The following DHX57 variants were observed in gnomAD, a reference collection of about 807,000 sequenced individuals.
The protein encoded by DHX57 is DExH-box helicase 57.
DHX57 carries 105 observed loss-of-function variants against 156.2 expected under a neutral mutation model. The ratio of observed to expected loss-of-function variants is 0.67; its 90% CI spans 0.57 to 0.79. The LOEUF (loss-of-function observed/expected upper bound fraction) is 0.79. Among genes scored for constraint, DHX57 ranks in the 30% least tolerant of loss-of-function variants. The probability of loss-of-function intolerance (pLI) is 0.00; values close to 1 mark genes in which losing one functional copy is unlikely to be tolerated. For missense variants in DHX57, 1,847 were observed against 1,661.9 expected (o/e 1.11, Z -1.94); for synonymous variants, 704 against 595.6 (o/e 1.18, Z -2.65).
At chr2:38,822,687 G>A (rs967536169) in intron 17 of DHX57, among the ~76,000 whole-genome samples, 8 of 152,274 alleles carry the variant, frequency 5.3e-5, no homozygotes, top group South Asian at 4.1e-4. Context: ...AAGCCACCGC[G>A]CTTGGCCTGG....
chr2:38,842,728 G>A (rs951752393), intron 12 of DHX57, among the ~76,000 whole-genome samples: 5 of 151,938 alleles, frequency 3.3e-5, no homozygotes, highest in African/African-American at 1.2e-4. Context: ...GCTACAAAAT[G>A]CACAAGAATA....
At chr2:38,863,219 G>A (rs1482841150) in intron 3 of DHX57, 142 bp downstream of exon 3, 3 of 829,844 alleles carry the variant, frequency 3.6e-6, no homozygotes, top group Non-Finnish European at 5.4e-6. Flanking sequence ...AATTATTCTT[G>A]TATTACTCTT....
chr2:38,852,083 A>G (rs907069625), intron 9 of DHX57, among the ~76,000 whole-genome samples: 1 of 151,646 alleles, frequency 6.6e-6, no homozygotes, highest in Non-Finnish European at 1.5e-5. Flanking sequence ...TTTTTATCTA[A>G]AAGTCTTTCT....
In DHX57 at chr2:38,818,923, C is replaced by T; in HGVS notation, c.3425G>A (p.Ser1142Asn). 1.2e-6 allele frequency: 2 copies of T among 1,614,206 alleles called. No individual in the cohort carries two copies. Among genetic ancestry groups the T allele is most frequent in the Non-Finnish European group, 1.7e-6 (2 of 1,180,038 alleles). Residue 1142 changes from serine (S) to asparagine (N), a missense_variant, in exon 19 of 24, where the codon AGT (serine) becomes AAT (asparagine). Coordinates refer to ENST00000457308, the MANE Select transcript of DHX57 (RefSeq NM_198963.3). ...GAAGTTTTGTCTGCAGTAATTATAA[C>T]TTGCACGCACGCCTTCTTTTGTACT... ...QLSTKEGVRASYNYCRQNFLS... is the reference protein window; with the variant it reads ...QLSTKEGVRANYNYCRQNFLS...
chr2:38,831,518 T>A (rs1671380205), intron 13 of DHX57, among the ~76,000 whole-genome samples: 1 of 152,110 alleles, frequency 6.6e-6, no homozygotes, highest in African/African-American at 2.4e-5. Flanking sequence ...CTGATTTTTT[T>A]GCTATGCTTG....
At chr2:38,843,311 T>C in intron 11 of DHX57, 101 bp from the exon 12 acceptor site, 1 of 1,191,024 alleles carries the variant, frequency 8.4e-7, no homozygotes, top group Non-Finnish European at 1.2e-6. Context: ...AATGTCACTG[T>C]CTGCCCAATT....
chr2:38,871,568 T>A (rs1016381984), intron 1 of DHX57, among the ~76,000 whole-genome samples: 1 of 152,208 alleles, frequency 6.6e-6, no homozygotes, highest in African/African-American at 2.4e-5. Flanking sequence ...TTTATTTGTC[T>A]CATGGTAATG....
intron 12 of DHX57, 38 bp from the exon 13 acceptor site, chr2:38,837,985 T>C: frequency 6.2e-6 from 8 of 1,294,386 alleles, no homozygotes; most frequent in Middle Eastern, 3.7e-4. Context: ...AGGATATTTA[T>C]ACCTTGTTGA....
At chr2:38,866,251 C>G (rs1453852874) in intron 2 of DHX57, among the ~76,000 whole-genome samples, 1 of 152,204 alleles carries the variant, frequency 6.6e-6, no homozygotes, top group South Asian at 2.1e-4. Context: ...AAGTCCTATA[C>G]AGTCTGGTCT....
chr2:38,813,829 C>T lies in DHX57; in HGVS notation c.3673G>A (p.Val1225Ile). ...AMLCAALYPN[V>I]VQVKSPEGKF... ...GAAAAATGTTTTGTTACCTGCACTA[C>T]ATTTGGATACAAAGCAGCACACAGC... is the stretch of plus-strand genomic sequence containing the variant. The change falls in exon 21 of 24, where the codon GTA becomes ATA. Residue 1225 changes from valine (V) to isoleucine (I), a missense_variant. By Grantham distance (29) the Val-to-Ile change is conservative. Coordinates refer to ENST00000457308, the MANE Select transcript of DHX57 (RefSeq NM_198963.3). The T allele has an allele frequency of 1.2e-6, 2 of 1,613,618 alleles. No homozygotes were observed. The highest frequency in any genetic ancestry group is 8.5e-7 in the Non-Finnish European group (1 of 1,179,654).
At chr2:38,842,919 C>T in intron 12 of DHX57, 86 bp downstream of exon 12, 2 of 1,409,418 alleles carry the variant, frequency 1.4e-6, no homozygotes, top group Non-Finnish European at 2.0e-6. Context: ...AAACAAGAAT[C>T]ATATTTTTCT....
At chr2:38,822,090 AT>A (rs944598239) in intron 17 of DHX57, among the ~76,000 whole-genome samples, 36 of 148,580 alleles carry the variant, frequency 2.4e-4, no homozygotes, top group African/African-American at 7.6e-4. Context: ...TTTAATGATA[AT>A]TTTTTTTTTT....
At chr2:38,800,309 G>A (rs1423878101) in intron 23 of DHX57, among the ~76,000 whole-genome samples, 1 of 151,722 alleles carries the variant, frequency 6.6e-6, no homozygotes, top group Non-Finnish European at 1.5e-5. Flanking sequence ...AACCGAGATT[G>A]CGCCACTGCA....
At chr2:38,857,715 T>C (rs1672971374) in intron 6 of DHX57, among the ~76,000 whole-genome samples, 1 of 152,236 alleles carries the variant, frequency 6.6e-6, no homozygotes, top group African/African-American at 2.4e-5. Flanking sequence ...CACTTATGAA[T>C]TCTTTTAAAA....
At chr2:38,803,361 C>G (rs1669787930) in intron 22 of DHX57, among the ~76,000 whole-genome samples, 1 of 152,092 alleles carries the variant, frequency 6.6e-6, no homozygotes, top group African/African-American at 2.4e-5. Flanking sequence ...GCTCAGGCCC[C>G]CAATTTAGGA....
intron 1 of DHX57, among the ~76,000 whole-genome samples, chr2:38,874,579 T>A (rs1329144080): frequency 6.6e-6 from 1 of 151,814 alleles, no homozygotes; most frequent in African/African-American, 2.4e-5. Flanking sequence ...CCGGCTAATT[T>A]TTTGTATTTT....
At chr2:38,832,436 CA>C (rs1224337796) in intron 13 of DHX57, among the ~76,000 whole-genome samples, 1 of 149,284 alleles carries the variant, frequency 6.7e-6, no homozygotes, top group Non-Finnish European at 1.5e-5. Flanking sequence ...GACTCTGTCT[CA>C]AAAAAAAGAA....
intron 17 of DHX57, 99 bp from the exon 18 acceptor site, chr2:38,819,243 T>C (rs1424728994): frequency 2.9e-5 from 30 of 1,045,924 alleles, no homozygotes; most frequent in Middle Eastern, 6.1e-4. Flanking sequence ...GGTGCGATCA[T>C]AGCCCACTGC....
At chr2:38,868,045 T>C (rs1665167690) in intron 2 of DHX57, 137 bp downstream of exon 2, 2 of 1,122,442 alleles carry the variant, frequency 1.8e-6, no homozygotes, top group African/African-American at 3.1e-5. Context: ...CCATCATGTC[T>C]TCAGAAAAGG....
Sources: allele counts gnomAD v4.1 joint callset (sites outside exome capture counted in the v4.1 genomes callset), GRCh38; gene constraint gnomAD v4.1.1; transcripts MANE v1.5; gene names NCBI Gene and HGNC (gene_info 2026-07-23, HGNC 2026-07-21).